GTF2F2: variants seen among roughly 807,000 people sequenced by gnomAD.
GTF2F2 encodes ATP-dependent helicase GTF2F2.
In GTF2F2, 23 loss-of-function variants were observed where a neutral mutation model predicts 42.2. That is an observed-to-expected ratio of 0.55 (90% CI 0.39 to 0.77). The LOEUF is 0.77. GTF2F2 is among the 30% of genes least tolerant of loss of function. GTF2F2 has a pLI of 0.00. For synonymous variants in GTF2F2, 105 were observed against 100.8 expected (o/e 1.04, Z -0.25); for missense variants, 261 against 287.2 (o/e 0.91, Z 0.66).
At chr13:45,141,808 C>A (rs1006422230) in intron 2 of GTF2F2, among the ~76,000 whole-genome samples, 1 of 152,082 alleles carries the variant, frequency 6.6e-6, no homozygotes, top group East Asian at 1.9e-4. Flanking sequence ...AGATTACTCT[C>A]CATACAAATC....
chr13:45,263,897 T>A, intron 6 of GTF2F2: 1 of 195,260 alleles, frequency 5.1e-6, no homozygotes, highest in Non-Finnish European at 1.1e-5. Flanking sequence ...GGAAGGCTGG[T>A]ATCTTTCAGA....
chr13:45,168,618 T>C (rs1168136134), intron 4 of GTF2F2, among the ~76,000 whole-genome samples: 1 of 152,156 alleles, frequency 6.6e-6, no homozygotes, highest in East Asian at 1.9e-4. Context: ...GAACTTTATT[T>C]ATTTATTTTT....
chr13:45,179,722 T>C (rs1872054694), intron 4 of GTF2F2, among the ~76,000 whole-genome samples: 1 of 152,214 alleles, frequency 6.6e-6, no homozygotes, highest in Non-Finnish European at 1.5e-5. Flanking sequence ...TAATTTCTTA[T>C]TATCTTGTGG....
intron 4 of GTF2F2, chr13:45,194,396 A>G (rs1363341570): frequency 1.2e-6 from 2 of 1,614,190 alleles, no homozygotes; most frequent in East Asian, 2.2e-5. Flanking sequence ...CCTTCAAGGA[A>G]AGTGTCTGGG....
At chr13:45,253,086 A>AATTAC in intron 6 of GTF2F2, 116 bp downstream of exon 6, 1 of 510,892 alleles carries the variant, frequency 2.0e-6, no homozygotes, top group Non-Finnish European at 3.5e-6. Context: ...CAGGTGCTTG[A>AATTAC]ATTACAGTAC....
At chr13:45,174,981 T>C (rs1417571029) in intron 4 of GTF2F2, among the ~76,000 whole-genome samples, 2 of 152,216 alleles carry the variant, frequency 1.3e-5, no homozygotes, top group Non-Finnish European at 2.9e-5. Context: ...TTACAGCTCT[T>C]TGAAAATATG....
intron 4 of GTF2F2, among the ~76,000 whole-genome samples, chr13:45,171,424 G>A (rs1474157129): frequency 6.6e-6 from 1 of 152,074 alleles, no homozygotes; most frequent in East Asian, 1.9e-4. Flanking sequence ...TAAGTAATTT[G>A]AGGGTTCTGC....
chr13:45,204,867 G>C (rs1298840966), intron 4 of GTF2F2, among the ~76,000 whole-genome samples: 1 of 152,176 alleles, frequency 6.6e-6, no homozygotes, highest in Non-Finnish European at 1.5e-5. Flanking sequence ...AAGAAGATAT[G>C]ATAGAAAATT....
At chr13:45,211,997 T>TGCGC (rs1169916686) in intron 5 of GTF2F2, among the ~76,000 whole-genome samples, 1 of 151,836 alleles carries the variant, frequency 6.6e-6, no homozygotes, top group African/African-American at 2.4e-5. Context: ...CCCCCACATA[T>TGCGC]GCGCACGCAC....
chr13:45,267,149 CAA>C (rs200147501), intron 6 of GTF2F2, 82 bp from the exon 7 acceptor site: 11,323 of 918,380 alleles, frequency 0.012, no homozygotes, highest in Middle Eastern at 0.018. Context: ...AACTCTGTCT[CAA>C]AAAAAAAAAA....
chr13:45,206,411 C>T (rs1873415495), intron 4 of GTF2F2: 1 of 152,180 alleles, frequency 6.6e-6, no homozygotes, highest in Non-Finnish European at 1.5e-5. Context: ...CTTGATTCCA[C>T]AATGCCTAGA....
intron 4 of GTF2F2, chr13:45,193,061 G>A (rs1187003831): frequency 2.0e-5 from 3 of 152,156 alleles, no homozygotes; most frequent in African/African-American, 7.2e-5. Context: ...CTTTTAAAGT[G>A]ACCTGTAACT....
intron 5 of GTF2F2, among the ~76,000 whole-genome samples, chr13:45,242,583 T>G (rs1875373504): frequency 6.6e-6 from 1 of 152,182 alleles, no homozygotes; most frequent in Non-Finnish European, 1.5e-5. Context: ...AAACATTTGT[T>G]GTTTAGTGTT....
At chr13:45,174,058 G>GTA (rs1871739966) in intron 4 of GTF2F2, among the ~76,000 whole-genome samples, 1 of 152,084 alleles carries the variant, frequency 6.6e-6, no homozygotes, top group Admixed American at 6.5e-5. Context: ...CTATTGCTGA[G>GTA]TATTCCATGG....
chr13:45,245,404 T>G (rs1311934063), intron 5 of GTF2F2, among the ~76,000 whole-genome samples: 1 of 151,976 alleles, frequency 6.6e-6, no homozygotes, highest in Non-Finnish European at 1.5e-5. Context: ...ATCACCCAAA[T>G]AGTGTACACT....
At chr13:45,161,653 C>T (rs1420382096) in intron 4 of GTF2F2, among the ~76,000 whole-genome samples, 7 of 152,108 alleles carry the variant, frequency 4.6e-5, no homozygotes, top group Non-Finnish European at 1.5e-5. Flanking sequence ...ACCAGCCTGG[C>T]CAACATGGTG....
At chr13:45,255,664 G>A (rs1259400074) in intron 6 of GTF2F2, among the ~76,000 whole-genome samples, 1 of 152,202 alleles carries the variant, frequency 6.6e-6, no homozygotes, top group Non-Finnish European at 1.5e-5. Context: ...TTTTCTGAGA[G>A]CTACGTGTAA....
intron 4 of GTF2F2, among the ~76,000 whole-genome samples, chr13:45,191,677 A>G (rs2138170011): frequency 6.6e-6 from 1 of 152,310 alleles, no homozygotes; most frequent in South Asian, 2.1e-4. Flanking sequence ...GTACATTTAT[A>G]AAAAGTTACA....
At chr13:45,221,240 CT>C (rs1387339828) in intron 5 of GTF2F2, among the ~76,000 whole-genome samples, 2 of 152,066 alleles carry the variant, frequency 1.3e-5, no homozygotes, top group Non-Finnish European at 2.9e-5. Context: ...CATGATTCTT[CT>C]TTTCTTGACA....
Sources: gnomAD v4.1 joint callset for allele counts (sites outside exome capture counted in the v4.1 genomes callset) on GRCh38, gnomAD v4.1.1 for gene constraint, MANE v1.5 for transcripts, NCBI Gene and HGNC (gene_info 2026-07-23, HGNC 2026-07-21) for gene names.